The following PRKAG2 variants were observed in gnomAD, a reference collection of about 807,000 sequenced individuals.
The protein encoded by PRKAG2 is protein kinase AMP-activated non-catalytic subunit gamma 2.
PRKAG2 carries 26 observed loss-of-function variants against 69.6 expected under a neutral mutation model. That is an observed-to-expected ratio of 0.37 (90% CI 0.27 to 0.52). The LOEUF is 0.52. Ranked by LOEUF, PRKAG2 falls within the 20% of genes least tolerant of loss-of-function variation. The probability of loss-of-function intolerance (pLI) is 0.90; values close to 1 mark genes in which losing one functional copy is unlikely to be tolerated. For synonymous variants in PRKAG2, 293 were observed against 285.0 expected, an observed-to-expected ratio of 1.03 and a Z score of -0.28; for missense variants, 557 against 740.0, an observed-to-expected ratio of 0.75 and a Z score of 2.87.
intron 3 of PRKAG2, among the ~76,000 whole-genome samples, chr7:151,706,204 C>G (rs1477642154): frequency 6.6e-6 from 1 of 152,204 alleles, no homozygotes; most frequent in Non-Finnish European, 1.5e-5. Context: ...TCCAGCCAAG[C>G]CTTGAAGTCT....
At chr7:151,696,917 C>T (rs1405336914) in intron 3 of PRKAG2, among the ~76,000 whole-genome samples, 4 of 152,028 alleles carry the variant, frequency 2.6e-5, no homozygotes, top group African/African-American at 9.7e-5. Context: ...CTCCTTAGGA[C>T]CAGGCGCTGC....
intron 3 of PRKAG2, among the ~76,000 whole-genome samples, chr7:151,748,875 A>T (rs1276359391): frequency 1.3e-5 from 2 of 152,254 alleles, no homozygotes; most frequent in African/African-American, 4.8e-5. Context: ...GCAGCCAGAG[A>T]GATGAGCTGG....
At chr7:151,661,100 G>T (rs185241486) in intron 4 of PRKAG2, among the ~76,000 whole-genome samples, 52 of 152,330 alleles carry the variant, frequency 3.4e-4, no homozygotes, top group Admixed American at 3.3e-3. Flanking sequence ...GTAAGTAATG[G>T]CTTAATCAGA....
chr7:151,619,100 C>T lies in PRKAG2; in HGVS notation c.754+12969G>A, dbSNP rs1465123616. Among the ~76,000 whole-genome samples, 28 of 152,214 alleles carry T rather than the reference C, an allele frequency of 1.8e-4. 1 individual carries two copies. The highest frequency in any genetic ancestry group is 1.6e-3 in the Admixed American group (25 of 15,276). ...GTTGCAATCGATGCCTAAGGAAAGT[C>T]ACGGACAAAGCAATGACCTTGAAAT... On this transcript the variant is annotated intron_variant, in intron 5 of 15. Coordinates refer to ENST00000287878, the MANE Select transcript of PRKAG2 (RefSeq NM_016203.4).
At chr7:151,608,762 A>G (rs1818090778) in intron 5 of PRKAG2, among the ~76,000 whole-genome samples, 1 of 152,212 alleles carries the variant, frequency 6.6e-6, no homozygotes, top group African/African-American at 2.4e-5. Context: ...AAACCTTTAT[A>G]TACCTTTATA....
chr7:151,613,914 T>C (rs1293415110), intron 5 of PRKAG2, among the ~76,000 whole-genome samples: 1 of 151,502 alleles, frequency 6.6e-6, no homozygotes, highest in Non-Finnish European at 1.5e-5. Flanking sequence ...GCGATTCTCC[T>C]GCCTCAGCCT....
At chr7:151,622,629 T>C (rs1457028762) in intron 5 of PRKAG2, among the ~76,000 whole-genome samples, 2 of 152,150 alleles carry the variant, frequency 1.3e-5, no homozygotes, top group Admixed American at 6.6e-5. Flanking sequence ...CTTGAACAAA[T>C]TGATACCCTT....
chr7:151,713,932 AT>A (rs1780044400), intron 3 of PRKAG2, among the ~76,000 whole-genome samples: 2 of 152,186 alleles, frequency 1.3e-5, no homozygotes, highest in South Asian at 4.1e-4. Context: ...TACAAGTCTT[AT>A]GAAAAATGCA....
rs146347087 is a variant in PRKAG2 at position 151,733,019 on chromosome 7, C to T, written c.466+48133G>A. 1.8e-3 allele frequency among the ~76,000 whole-genome samples: 275 copies of T among 152,270 alleles called. 3 individuals carry two copies. The highest frequency in any genetic ancestry group is 1.8e-3 in the Non-Finnish European group (125 of 68,030). On this transcript the variant is annotated intron_variant, in intron 3 of 15. Transcript: ENST00000287878. ...TCAGGGTGGTTTTCTAGACAGTGAT[C>T]GTTCAGCTGGGTCTTGAGAAATGGG...
At chr7:151,739,717 C>A (rs1359333302) in intron 3 of PRKAG2, among the ~76,000 whole-genome samples, 1 of 152,110 alleles carries the variant, frequency 6.6e-6, no homozygotes, top group Non-Finnish European at 1.5e-5. Context: ...GTGATCCACC[C>A]GCCTTGGCCT....
intron 5 of PRKAG2, among the ~76,000 whole-genome samples, chr7:151,601,829 T>A (rs948384332): frequency 6.6e-6 from 1 of 152,192 alleles, no homozygotes; most frequent in Non-Finnish European, 1.5e-5. Flanking sequence ...ACAACCCTTG[T>A]CCTTACAGAC....
chr7:151,647,366 C>A (rs79312315), intron 4 of PRKAG2, among the ~76,000 whole-genome samples: 2,367 of 152,318 alleles, frequency 0.016, 65 homozygotes, highest in African/African-American at 0.053. Flanking sequence ...CAATGAGATA[C>A]AGGCCCGGCC....
chr7:151,770,861 C>T (rs1174365674), intron 3 of PRKAG2, among the ~76,000 whole-genome samples: 3 of 152,300 alleles, frequency 2.0e-5, no homozygotes, highest in East Asian at 1.9e-4. Flanking sequence ...CCATGCCCCA[C>T]GCCCCATCCC....
chr7:151,634,861 A>G (rs1825448796), intron 4 of PRKAG2, among the ~76,000 whole-genome samples: 1 of 152,204 alleles, frequency 6.6e-6, no homozygotes, highest in Non-Finnish European at 1.5e-5. Context: ...TAGTAACAAC[A>G]TCAAATGCTG....
chr7:151,626,938 G>C (rs887393439), intron 5 of PRKAG2, among the ~76,000 whole-genome samples: 1 of 152,072 alleles, frequency 6.6e-6, no homozygotes, highest in Non-Finnish European at 1.5e-5. Flanking sequence ...CTCCCAACAA[G>C]AACCGATCTT....
intron 3 of PRKAG2, among the ~76,000 whole-genome samples, chr7:151,754,676 C>T (rs369625836): frequency 3.7e-4 from 56 of 152,114 alleles, no homozygotes; most frequent in African/African-American, 1.3e-3. Context: ...TGGGCTTTGG[C>T]TTCATATAGT....
chr7:151,594,201 C>T (rs1813896164), intron 6 of PRKAG2, among the ~76,000 whole-genome samples: 1 of 152,242 alleles, frequency 6.6e-6, no homozygotes, highest in African/African-American at 2.4e-5. Context: ...TGCTGGGTGT[C>T]TTCCCCTGCC....
intron 3 of PRKAG2, among the ~76,000 whole-genome samples, chr7:151,705,439 C>T (rs1024766610): frequency 4.6e-5 from 7 of 152,160 alleles, no homozygotes; most frequent in Non-Finnish European, 1.0e-4. Flanking sequence ...AGCAGGATCA[C>T]CCCGGTATGC....
At chr7:151,739,122 C>A (rs2536060) in intron 3 of PRKAG2, among the ~76,000 whole-genome samples, 1 of 152,236 alleles carries the variant, frequency 6.6e-6, no homozygotes, top group African/African-American at 2.4e-5. Flanking sequence ...TCCCAAGAAG[C>A]CTGCTCGGCC....
Sources: allele counts gnomAD v4.1 joint callset (sites outside exome capture counted in the v4.1 genomes callset), GRCh38; gene constraint gnomAD v4.1.1; transcripts MANE v1.5; gene names NCBI Gene and HGNC (gene_info 2026-07-23, HGNC 2026-07-21).